ENTREP2: variants seen among roughly 807,000 people sequenced by gnomAD.
ENTREP2 encodes the protein protein ENTREP2.
chr15:29,551,305 T>G, the ENTREP2 span, among the ~76,000 whole-genome samples: 13 of 152,294 alleles, frequency 8.5e-5, no homozygotes, highest in Middle Eastern at 3.4e-3. Context: ...GTGTTTGACC[T>G]GCAGGGAGCT....
At chr15:29,318,847 A>C in the ENTREP2 span, among the ~76,000 whole-genome samples, 14 of 152,214 alleles carry the variant, frequency 9.2e-5, no homozygotes, top group Admixed American at 2.0e-4. Context: ...AGATGAACCC[A>C]AACTGGCAAA....
chr15:29,335,281 G>A, the ENTREP2 span, among the ~76,000 whole-genome samples: 1 of 152,232 alleles, frequency 6.6e-6, no homozygotes. Flanking sequence ...AGGCTACGGT[G>A]TAATTGAAAT....
At chr15:29,386,107 C>T in the ENTREP2 span, among the ~76,000 whole-genome samples, 2 of 152,168 alleles carry the variant, frequency 1.3e-5, no homozygotes, top group Non-Finnish European at 2.9e-5. Context: ...AATTAAACCT[C>T]GCACCCATCC....
the ENTREP2 span, among the ~76,000 whole-genome samples, chr15:29,389,442 C>T: frequency 6.6e-6 from 1 of 151,980 alleles, no homozygotes; most frequent in African/African-American, 2.4e-5. Flanking sequence ...CCTGGAAACA[C>T]TGACACAGCT....
At chr15:29,567,312 G>A in the ENTREP2 span, among the ~76,000 whole-genome samples, 3 of 152,104 alleles carry the variant, frequency 2.0e-5, no homozygotes, top group Admixed American at 6.5e-5. Flanking sequence ...CAGTGGAATG[G>A]CTCCTTAAAT....
the ENTREP2 span, among the ~76,000 whole-genome samples, chr15:29,352,120 T>G: frequency 6.6e-6 from 1 of 152,070 alleles, no homozygotes; most frequent in African/African-American, 2.4e-5. Context: ...TTTTTTGTAG[T>G]GATGTGGTCT....
chr15:29,351,735 C>G, the ENTREP2 span, among the ~76,000 whole-genome samples: 180 of 152,268 alleles, frequency 1.2e-3, no homozygotes, highest in African/African-American at 4.2e-3. Context: ...CCTCAAACTC[C>G]TGGGCTCAAG....
At chr15:29,654,650 C>T in the ENTREP2 span, among the ~76,000 whole-genome samples, 1 of 152,128 alleles carries the variant, frequency 6.6e-6, no homozygotes, top group Non-Finnish European at 1.5e-5. Context: ...GGTATCTTTC[C>T]TTATCTTGCA....
At chr15:29,133,283 TCTA>T in the ENTREP2 span, among the ~76,000 whole-genome samples, 1 of 152,156 alleles carries the variant, frequency 6.6e-6, no homozygotes, top group Non-Finnish European at 1.5e-5. Context: ...GCGAGAGTGA[TCTA>T]CTCCTGCTCT....
the ENTREP2 span, among the ~76,000 whole-genome samples, chr15:29,425,667 T>A: frequency 1.3e-5 from 2 of 152,222 alleles, no homozygotes; most frequent in African/African-American, 4.8e-5. Flanking sequence ...CTAATTTTCC[T>A]GTCTTTTGCT....
At chr15:29,343,343 C>A in the ENTREP2 span, among the ~76,000 whole-genome samples, 2 of 152,100 alleles carry the variant, frequency 1.3e-5, no homozygotes, top group Non-Finnish European at 2.9e-5. Flanking sequence ...GGGGCCTCAT[C>A]CAATCAGTCA....
chr15:29,670,491 G>A, the ENTREP2 span, among the ~76,000 whole-genome samples: 1 of 152,186 alleles, frequency 6.6e-6, no homozygotes, highest in African/African-American at 2.4e-5. Flanking sequence ...AATTGAATAT[G>A]CTCTCGACTT....
the ENTREP2 span, among the ~76,000 whole-genome samples, chr15:29,321,726 C>G: frequency 2.0e-5 from 3 of 151,004 alleles, no homozygotes; most frequent in East Asian, 3.9e-4. Flanking sequence ...GGAAATGTGT[C>G]ACCAGCAAAG....
At chr15:29,151,451 G>A in the ENTREP2 span, among the ~76,000 whole-genome samples, 1 of 152,220 alleles carries the variant, frequency 6.6e-6, no homozygotes, top group African/African-American at 2.4e-5. Context: ...CAGGGCTGCA[G>A]GAATTTCACT....
At chr15:29,166,900 G>A in the ENTREP2 span, among the ~76,000 whole-genome samples, 1 of 151,988 alleles carries the variant, frequency 6.6e-6, no homozygotes, top group Non-Finnish European at 1.5e-5. Flanking sequence ...TGGAGGCATC[G>A]CACTACCTGA....
the ENTREP2 span, among the ~76,000 whole-genome samples, chr15:29,232,336 G>A: frequency 4.6e-5 from 7 of 152,018 alleles, no homozygotes; most frequent in Non-Finnish European, 1.0e-4. Context: ...TAATTTCTGC[G>A]TTACTATTGA....
At chr15:29,653,975 A>G in the ENTREP2 span, among the ~76,000 whole-genome samples, 1 of 152,160 alleles carries the variant, frequency 6.6e-6, no homozygotes, top group Non-Finnish European at 1.5e-5. Flanking sequence ...TCTGCTCAAG[A>G]TTTCCAAGCT....
the ENTREP2 span, among the ~76,000 whole-genome samples, chr15:29,314,194 G>A: frequency 6.6e-6 from 1 of 152,188 alleles, no homozygotes; most frequent in Non-Finnish European, 1.5e-5. Flanking sequence ...ACAACAAAGG[G>A]TTTAGAATAT....
At chr15:29,557,852 A>G in the ENTREP2 span, among the ~76,000 whole-genome samples, 1 of 152,126 alleles carries the variant, frequency 6.6e-6, no homozygotes, top group South Asian at 2.1e-4. Flanking sequence ...TTGTCCCCCA[A>G]CATTATTCCC....
Sources: gnomAD v4.1 joint callset for allele counts (sites outside exome capture counted in the v4.1 genomes callset) on GRCh38, gnomAD v4.1.1 for gene constraint, MANE v1.5 for transcripts, NCBI Gene and HGNC (gene_info 2026-07-23, HGNC 2026-07-21) for gene names.